The following LCORL variants were observed in gnomAD, a reference collection of about 807,000 sequenced individuals.
The protein encoded by LCORL is ligand-dependent nuclear receptor corepressor-like protein.
A neutral mutation model predicts 141.8 loss-of-function variants in LCORL; 41 were observed. The observed-to-expected ratio is 0.29, with a 90% CI of 0.23 to 0.38. LCORL has a LOEUF of 0.38. Among genes scored for constraint, LCORL ranks in the 10% least tolerant of loss-of-function variants. The pLI, the probability that LCORL is intolerant of heterozygous loss-of-function variation, is 1.00. For missense variants in LCORL, 1,759 were observed against 2,035.0 expected (o/e 0.86, Z 2.61); for synonymous variants, 618 against 694.1 (o/e 0.89, Z 1.72).
chr4:17,916,788 G>C (rs1157235590), intron 4 of LCORL, among the ~76,000 whole-genome samples: 19 of 151,476 alleles, frequency 1.3e-4, no homozygotes, highest in Admixed American at 1.2e-3. Context: ...GGGATTACAG[G>C]CATGTGCCAC....
chr4:17,870,638 T>C (rs937345492), intron 7 of LCORL, among the ~76,000 whole-genome samples: 6 of 152,148 alleles, frequency 3.9e-5, no homozygotes, highest in African/African-American at 1.4e-4. Flanking sequence ...TTCTATCCCC[T>C]TAAGGCATAT....
chr4:17,874,827 G>C, exon 7 of LCORL: 1 of 1,233,696 alleles, frequency 8.1e-7, no homozygotes, highest in Non-Finnish European at 1.0e-6. Flanking sequence ...TCTGTTTCTT[G>C]GGGTATCTTT....
chr4:17,857,113 T>C (rs1226815003), intron 7 of LCORL, among the ~76,000 whole-genome samples: 3 of 152,166 alleles, frequency 2.0e-5, no homozygotes, highest in Non-Finnish European at 4.4e-5. Flanking sequence ...ACCAGATACG[T>C]GGCTTACTGC....
At chr4:17,920,639 T>C (rs922782437) in intron 4 of LCORL, among the ~76,000 whole-genome samples, 3 of 152,254 alleles carry the variant, frequency 2.0e-5, no homozygotes. Context: ...TCTTTCAAAA[T>C]TGGAGTTAAT....
intron 1 of LCORL, among the ~76,000 whole-genome samples, chr4:18,002,358 C>T (rs551102241): frequency 6.6e-6 from 1 of 151,844 alleles, no homozygotes; most frequent in East Asian, 1.9e-4. Flanking sequence ...AAATGCATTT[C>T]ATATACAAGG....
chr4:18,012,285 C>T (rs949516795), intron 1 of LCORL, among the ~76,000 whole-genome samples: 2 of 152,170 alleles, frequency 1.3e-5, no homozygotes, highest in Non-Finnish European at 2.9e-5. Context: ...GGTAAACTCA[C>T]TAGGGTACAG....
chr4:17,994,599 T>A (rs1720593872), intron 1 of LCORL, among the ~76,000 whole-genome samples: 1 of 152,166 alleles, frequency 6.6e-6, no homozygotes, highest in South Asian at 2.1e-4. Context: ...ATTATTCCCT[T>A]TGGAACACTG....
chr4:17,934,011 G>C (rs1736457340), intron 4 of LCORL, among the ~76,000 whole-genome samples: 2 of 152,022 alleles, frequency 1.3e-5, no homozygotes, highest in Admixed American at 1.3e-4. Flanking sequence ...TGCCAAGACT[G>C]CTACCTCTGG....
At position 17,972,809 on chromosome 4, in the gene LCORL, T is replaced by C; in HGVS notation, c.220+11A>G. 1 of 1,386,510 alleles carries C rather than the reference T, an allele frequency of 7.2e-7. No individual in the cohort carries two copies. Among genetic ancestry groups the C allele is most frequent in the South Asian group, 1.7e-5 (1 of 58,232 alleles). 85.9% of individuals were successfully genotyped at this position (1,386,510 alleles called of 1,614,324 possible). On this transcript the variant is annotated intron_variant, in intron 2 of 7. Transcript: ENST00000635767. Reference sequence around the variant, plus strand: ...GAAATGACAACTTTTAAATAAAATTTTAAAAATTACCTTCAAATAAACTGA... The same window carrying C: ...GAAATGACAACTTTTAAATAAAATTCTAAAAATTACCTTCAAATAAACTGA...
chr4:17,922,417 G>A (rs1344733152), intron 4 of LCORL, among the ~76,000 whole-genome samples: 1 of 152,198 alleles, frequency 6.6e-6, no homozygotes, highest in African/African-American at 2.4e-5. Flanking sequence ...GGCAAGTTTA[G>A]TGACTCTATA....
chr4:17,945,689 A>T (rs572462312), intron 4 of LCORL, among the ~76,000 whole-genome samples: 3 of 152,162 alleles, frequency 2.0e-5, no homozygotes, highest in Admixed American at 2.0e-4. Flanking sequence ...CAATCAAATT[A>T]GTCTTATGGT....
exon 8 of LCORL, chr4:17,841,897 T>C (rs898857972): frequency 1.3e-5 from 2 of 155,284 alleles, no homozygotes; most frequent in African/African-American, 4.8e-5. Context: ...AAAAAAGTTG[T>C]TTCTTTAGCA....
chr4:17,904,952 A>G (rs375221358), intron 5 of LCORL, among the ~76,000 whole-genome samples: 21 of 152,248 alleles, frequency 1.4e-4, no homozygotes, highest in African/African-American at 4.8e-4. Context: ...ATCAGTCCTC[A>G]CATTCATTTA....
chr4:17,983,596 A>AT (rs1173535472), intron 1 of LCORL, among the ~76,000 whole-genome samples: 1 of 152,048 alleles, frequency 6.6e-6, no homozygotes, highest in Non-Finnish European at 1.5e-5. Flanking sequence ...AATGAGGGTA[A>AT]TATTTGTACA....
rs1724077256 is a variant in LCORL at position 17,854,072 on chromosome 4, G to C, written c.5603-8171C>G. Among the ~76,000 whole-genome samples, 4 of 152,106 alleles carry C rather than the reference G, an allele frequency of 2.6e-5. No individual in the cohort carries two copies. The South Asian group carries it at 6.2e-4, about 24-fold the overall frequency. On this transcript the variant is annotated intron_variant, in intron 7 of 7. Transcript: ENST00000635767. ...TAATCCCAGCAGAGCAGGGAGACAA[G>C]GGGAAGAAATATTTGATAACGGTCT... is the stretch of plus-strand genomic sequence containing the variant.
At chr4:17,908,729 T>C (rs1299431364) in intron 5 of LCORL, among the ~76,000 whole-genome samples, 2 of 152,182 alleles carry the variant, frequency 1.3e-5, no homozygotes, top group African/African-American at 4.8e-5. Flanking sequence ...TATTTTTTTC[T>C]CACTTAAATA....
At chr4:18,005,898 G>A (rs1486211022) in intron 1 of LCORL, among the ~76,000 whole-genome samples, 1 of 152,182 alleles carries the variant, frequency 6.6e-6, no homozygotes, top group African/African-American at 2.4e-5. Context: ...ACATGCCCTG[G>A]AGACAATTTC....
chr4:17,924,426 A>G (rs1041015764), intron 4 of LCORL, among the ~76,000 whole-genome samples: 2 of 152,170 alleles, frequency 1.3e-5, no homozygotes, highest in Non-Finnish European at 2.9e-5. Context: ...CACTGCTGAG[A>G]GCCCAATTTG....
At position 17,885,414 on chromosome 4, in the gene LCORL, G is replaced by A. The variant is rs147163900; in HGVS notation, c.776+654C>T. ...TTACGACTCAAATACTACTACAGCC[G>A]TAGTTGAAACAAATTACAATCTACC... On this transcript the variant is annotated intron_variant, in intron 6 of 7. Coordinates refer to ENST00000635767, the Ensembl canonical transcript of LCORL. 6.5e-3 allele frequency among the ~76,000 whole-genome samples: 994 copies of A among 151,840 alleles called. 16 individuals are homozygous for A. Among genetic ancestry groups the A allele is most frequent in the African/African-American group, 0.023 (955 of 41,416 alleles).
Sources: allele counts gnomAD v4.1 joint callset (sites outside exome capture counted in the v4.1 genomes callset), GRCh38; gene constraint gnomAD v4.1.1; transcripts MANE v1.5; gene names NCBI Gene and HGNC (gene_info 2026-07-23, HGNC 2026-07-21).